Variants in ABR observed in about 807,000 individuals in gnomAD.
ABR encodes active breakpoint cluster region-related protein.
ABR carries 35 observed loss-of-function variants against 107.2 expected under a neutral mutation model. The ratio of observed to expected loss-of-function variants is 0.33; its 90% CI spans 0.25 to 0.43. The LOEUF is 0.43. Among genes scored for constraint, ABR ranks in the 20% least tolerant of loss-of-function variants. ABR has a pLI of 1.00. For synonymous variants in ABR, 498 were observed against 462.0 expected (o/e 1.08, Z -1.00); for missense variants, 815 against 1,115.2 (o/e 0.73, Z 3.83).
chr17:1,022,937 T>C (rs1386709717), intron 16 of ABR, among the ~76,000 whole-genome samples: 1 of 152,258 alleles, frequency 6.6e-6, no homozygotes, highest in Non-Finnish European at 1.5e-5. Context: ...GCTAGCCTCT[T>C]AGCACCCGCA....
chr17:1,140,877 C>G (rs532729706), intron 1 of ABR, among the ~76,000 whole-genome samples: 89 of 152,000 alleles, frequency 5.9e-4, no homozygotes, highest in Non-Finnish European at 8.7e-4. Context: ...GCCACCGCGC[C>G]CGGCCAGTCT....
intron 1 of ABR, among the ~76,000 whole-genome samples, chr17:1,153,280 CCT>C (rs201030326): frequency 0.07 from 10,727 of 152,336 alleles, 454 homozygotes; most frequent in Middle Eastern, 0.15. Flanking sequence ...GGCGTGGCCC[CCT>C]GTGTCCCTCA....
Position 1,092,134 on chromosome 17 carries a change from G to A in ABR, c.346-284C>T, listed in dbSNP as rs1004800339. Among the ~76,000 whole-genome samples, 9 of 152,190 alleles carry A rather than the reference G, an allele frequency of 5.9e-5. No homozygotes were observed. The highest frequency in any genetic ancestry group is 1.9e-4 in the African/African-American group (8 of 41,452). On this transcript the variant is annotated intron_variant, in intron 3 of 22. Transcript: ENST00000302538. The surrounding 1 kb of genome is among the most constrained non-coding windows in gnomAD (Gnocchi z 4.6). ...ACGCAGCTGAGCTCAGCAGCAGCCT[G>A]TACTGGGTTAACAGGATCCGCGTCT...
intron 16 of ABR, among the ~76,000 whole-genome samples, chr17:1,016,969 C>G (rs889203379): frequency 6.6e-6 from 1 of 152,106 alleles, no homozygotes; most frequent in Non-Finnish European, 1.5e-5. Context: ...GTCCTTCCCA[C>G]ATCTATCACC....
chr17:1,058,240 C>T (rs931730798), intron 11 of ABR, among the ~76,000 whole-genome samples, 195 bp from the exon 12 acceptor site: 1 of 150,406 alleles, frequency 6.6e-6, no homozygotes, highest in African/African-American at 2.4e-5. Flanking sequence ...CCCGGGTTCA[C>T]GCCAATCTCC....
rs1242154476 is a variant in ABR, at chr17:1,031,674, T to G, written c.1791+18376A>C. 9 of 1,255,848 alleles carry G rather than the reference T, an allele frequency of 7.2e-6. No individual in the cohort carries two copies. The South Asian group carries it at 2.3e-4, about 32-fold the overall frequency. 77.8% of individuals were successfully genotyped at this position (1,255,848 alleles called of 1,614,324 possible). ...GTTGGGGGGGCGCTTGCTCCCCGACTCCTCCAGCGCCAGGGGTTCGCGCCC... is the reference window on the plus strand; with the variant it reads ...GTTGGGGGGGCGCTTGCTCCCCGACGCCTCCAGCGCCAGGGGTTCGCGCCC... On this transcript the variant is annotated intron_variant, in intron 16 of 22. Transcript: ENST00000302538.
At chr17:1,079,018 G>A in intron 6 of ABR, 3 of 1,456,888 alleles carry the variant, frequency 2.1e-6, no homozygotes, top group Non-Finnish European at 2.7e-6. Context: ...GGGGAGGGGA[G>A]GGAGGCGCGT....
upstream of ABR, among the ~76,000 whole-genome samples, chr17:1,188,105 C>T (rs34662528): frequency 0.022 from 3,337 of 152,100 alleles, 73 homozygotes; most frequent in Non-Finnish European, 0.029. Context: ...GTCCCAGCTA[C>T]TCAAGAGGCT....
intron 1 of ABR, among the ~76,000 whole-genome samples, chr17:1,138,430 T>C (rs1011388593): frequency 1.3e-5 from 2 of 152,192 alleles, no homozygotes; most frequent in Admixed American, 6.5e-5. Context: ...CCAAGCTCTA[T>C]GCTTAAGACT....
upstream of ABR, among the ~76,000 whole-genome samples, chr17:1,192,246 G>T (rs62087717): frequency 2.5e-3 from 379 of 152,106 alleles, 1 homozygote; most frequent in Non-Finnish European, 3.8e-3. Context: ...CAAAGTGCTG[G>T]GATTACAGGC....
chr17:1,124,269 G>A (rs2039488787), intron 2 of ABR, among the ~76,000 whole-genome samples: 2 of 152,172 alleles, frequency 1.3e-5, no homozygotes, highest in Admixed American at 6.5e-5. Flanking sequence ...GGAAGAAGAG[G>A]CAGCCCGTGG....
At chr17:1,178,231 C>T (rs2041980401) in intron 1 of ABR, among the ~76,000 whole-genome samples, 2 of 151,868 alleles carry the variant, frequency 1.3e-5, no homozygotes, top group Non-Finnish European at 1.5e-5. Flanking sequence ...TCTACTCCCC[C>T]CACCCCCCCC....
chr17:1,018,649 C>G (rs893693297), intron 16 of ABR, among the ~76,000 whole-genome samples: 8 of 152,146 alleles, frequency 5.3e-5, no homozygotes, highest in Non-Finnish European at 1.2e-4. Flanking sequence ...ATCTGAGTCT[C>G]CCATTCAACC....
intron 1 of ABR, 77 bp from the exon 2 acceptor site, chr17:1,125,444 G>A: frequency 6.4e-7 from 1 of 1,554,786 alleles, no homozygotes; most frequent in East Asian, 2.2e-5. Context: ...GTGGGCGCCG[G>A]CGGCGGCCCC....
rs1373446727 is a variant in ABR at position 1,050,398 on chromosome 17, T to C, written c.1659+139A>G. ...TCTGACACCCAGACACACACCGCGATCAGAAGCCAGAGGAGCAGGGAGCAG... is the reference window on the plus strand; with the variant it reads ...TCTGACACCCAGACACACACCGCGACCAGAAGCCAGAGGAGCAGGGAGCAG... On this transcript the variant is annotated intron_variant, in intron 15 of 22. Transcript: ENST00000302538. This position sits in a 1 kb window ranked among gnomAD's most constrained non-coding sequence, Gnocchi z 4.6. The C allele has an allele frequency of 3.1e-6, 3 of 981,720 alleles. No homozygotes were observed. Among genetic ancestry groups the C allele is most frequent in the South Asian group, 1.5e-5 (1 of 68,584 alleles). 60.8% of individuals were successfully genotyped at this position (981,720 alleles called of 1,614,324 possible). A position where few individuals can be genotyped will look rare whatever the true frequency, so the allele number is the denominator to read the frequency against.
chr17:1,030,460 C>T (rs1053279559), intron 16 of ABR, among the ~76,000 whole-genome samples: 1 of 152,208 alleles, frequency 6.6e-6, no homozygotes, highest in Non-Finnish European at 1.5e-5. Context: ...CACAGAGGGG[C>T]TCTGGCAGCA....
chr17:1,067,348 CT>C, intron 9 of ABR, 106 bp from the exon 10 acceptor site: 1 of 1,132,508 alleles, frequency 8.8e-7, no homozygotes, highest in South Asian at 1.6e-5. Flanking sequence ...TGACTGAGAA[CT>C]CGCCAGAAGC....
intron 1 of ABR, among the ~76,000 whole-genome samples, chr17:1,195,014 G>C (rs1192126923): frequency 6.7e-6 from 1 of 148,306 alleles, no homozygotes; most frequent in Non-Finnish European, 1.5e-5. Context: ...TGCTCTTGAA[G>C]TCCTGGCCTC....
At position 1,065,786 on chromosome 17, in the gene ABR, C is replaced by A. The variant is rs541577758; in HGVS notation, c.1182+1291G>T. Among the ~76,000 whole-genome samples the A allele has an allele frequency of 4.3e-5, 6 of 138,940 alleles. No homozygotes were observed. The South Asian group carries it at 1.4e-3, about 32-fold the overall frequency. The allele number at this position is 138,940 out of a possible 152,430, so 91.2% of individuals were successfully genotyped here. On this transcript the variant is annotated intron_variant, in intron 10 of 22. Transcript: ENST00000302538. ...TTTTTGAGACAGTCTCACTCTGTTGCTCAGGCTGGAGTGCAGCAGCGGAAT... is the reference window on the plus strand; with the variant it reads ...TTTTTGAGACAGTCTCACTCTGTTGATCAGGCTGGAGTGCAGCAGCGGAAT...
Sources: allele counts gnomAD v4.1 joint callset (sites outside exome capture counted in the v4.1 genomes callset), GRCh38; gene constraint gnomAD v4.1.1; non-coding constraint Gnocchi (gnomAD v3.1); transcripts MANE v1.5; gene names NCBI Gene and HGNC (gene_info 2026-07-23, HGNC 2026-07-21).